The following SRRM4 variants were observed in gnomAD, a reference collection of about 807,000 sequenced individuals.
The protein encoded by SRRM4 is serine/arginine repetitive matrix 4, also known as serine/arginine repetitive matrix protein 4.
A neutral mutation model predicts 68.9 loss-of-function variants in SRRM4; 33 were observed. The ratio of observed to expected loss-of-function variants is 0.48; its 90% CI spans 0.36 to 0.64. SRRM4 has a LOEUF of 0.64. SRRM4 is among the 30% of genes least tolerant of loss of function. The pLI is 0.00. For missense variants in SRRM4, 817 were observed against 827.1 expected (o/e 0.99, Z 0.15); for synonymous variants, 318 against 318.8 (o/e 1.00, Z 0.03).
chr12:119,011,413 C>T (rs1262449088), intron 1 of SRRM4, among the ~76,000 whole-genome samples: 1 of 152,132 alleles, frequency 6.6e-6, no homozygotes, highest in Non-Finnish European at 1.5e-5. Context: ...GTCATTAGCA[C>T]CACCCTCCCT....
chr12:119,052,077 G>A (rs756568693), intron 1 of SRRM4, among the ~76,000 whole-genome samples: 3 of 152,164 alleles, frequency 2.0e-5, no homozygotes, highest in Admixed American at 6.5e-5. Flanking sequence ...TCTGCCTCTC[G>A]GGAGTCTATT....
chr12:119,082,313 C>G (rs1565904401), intron 1 of SRRM4, among the ~76,000 whole-genome samples: 2 of 152,152 alleles, frequency 1.3e-5, no homozygotes, highest in Non-Finnish European at 2.9e-5. Context: ...ATCCCCGCCT[C>G]CACCACGCTG....
chr12:119,049,804 G>C (rs1198061358), intron 1 of SRRM4, among the ~76,000 whole-genome samples: 1 of 152,092 alleles, frequency 6.6e-6, no homozygotes, highest in Admixed American at 6.5e-5. Context: ...CCTCACTCTA[G>C]GTCTTTACAT....
At chr12:119,064,598 C>T (rs1175447900) in intron 1 of SRRM4, among the ~76,000 whole-genome samples, 2 of 152,132 alleles carry the variant, frequency 1.3e-5, no homozygotes, top group East Asian at 3.9e-4. Context: ...TGCTGTGTGA[C>T]CTTAGGCAAG....
Position 119,122,701 on chromosome 12 carries a change from T to C in SRRM4, c.515+581T>C, listed in dbSNP as rs772962633. Among the ~76,000 whole-genome samples the C allele has an allele frequency of 7.7e-4, 117 of 152,278 alleles. 2 individuals are homozygous for C. Among genetic ancestry groups the C allele is most frequent in the Non-Finnish European group, 2.2e-4 (15 of 68,008 alleles). On this transcript the variant is annotated intron_variant, in intron 6 of 12. Coordinates refer to ENST00000267260, the MANE Select transcript of SRRM4 (RefSeq NM_194286.4). ...TGTGAATGGTATACATAGGACACAC[T>C]AAATTCTATGCACTGTGTGTGTGCG...
At chr12:119,075,595 G>A (rs1953905447) in intron 1 of SRRM4, among the ~76,000 whole-genome samples, 2 of 148,054 alleles carry the variant, frequency 1.4e-5, no homozygotes, top group South Asian at 4.4e-4. Context: ...TGATGATGAT[G>A]ATGATGTTGA....
intron 1 of SRRM4, among the ~76,000 whole-genome samples, chr12:118,991,361 G>A (rs924306662): frequency 2.6e-5 from 4 of 152,230 alleles, no homozygotes; most frequent in Non-Finnish European, 5.9e-5. Flanking sequence ...CCAGAGCTCA[G>A]AGGAAATGCT....
At chr12:119,033,423 A>G (rs1953604977) in intron 1 of SRRM4, among the ~76,000 whole-genome samples, 1 of 152,116 alleles carries the variant, frequency 6.6e-6, no homozygotes, top group Non-Finnish European at 1.5e-5. Flanking sequence ...CCCAGCACTT[A>G]GGGAGACGGA....
At chr12:119,024,970 G>C (rs1354219460) in intron 1 of SRRM4, among the ~76,000 whole-genome samples, 1 of 152,102 alleles carries the variant, frequency 6.6e-6, no homozygotes, top group African/African-American at 2.4e-5. Flanking sequence ...GAGAGGATAC[G>C]GTGCTGCCCT....
At chr12:119,029,925 G>A (rs1157492971) in intron 1 of SRRM4, among the ~76,000 whole-genome samples, 1 of 152,136 alleles carries the variant, frequency 6.6e-6, no homozygotes, top group Admixed American at 6.5e-5. Flanking sequence ...CAGTGAGGAT[G>A]ACCTTCCAGC....
intron 2 of SRRM4, 46 bp from the exon 3 acceptor site, chr12:119,114,232 T>A: frequency 6.4e-7 from 1 of 1,552,760 alleles, no homozygotes; most frequent in East Asian, 2.3e-5. Flanking sequence ...GTTGGGGAGT[T>A]GGGGAACCAT....
At chr12:119,095,624 T>G (rs909783701) in intron 1 of SRRM4, among the ~76,000 whole-genome samples, 1 of 152,004 alleles carries the variant, frequency 6.6e-6, no homozygotes, top group Admixed American at 6.6e-5. Flanking sequence ...CAGCGATGTC[T>G]CCAATCTCCT....
At chr12:119,062,034 A>G (rs1953815371) in intron 1 of SRRM4, among the ~76,000 whole-genome samples, 1 of 152,342 alleles carries the variant, frequency 6.6e-6, no homozygotes, top group Admixed American at 6.5e-5. Context: ...ACCAATCTAG[A>G]TGGGATAGCC....
chr12:119,072,927 C>G (rs1420831913), intron 1 of SRRM4, among the ~76,000 whole-genome samples: 1 of 152,146 alleles, frequency 6.6e-6, no homozygotes, highest in African/African-American at 2.4e-5. Context: ...TGTCAAAGCT[C>G]AGATCTGAAT....
At chr12:119,152,396 G>A (rs528513378) in intron 10 of SRRM4, among the ~76,000 whole-genome samples, 111 of 152,272 alleles carry the variant, frequency 7.3e-4, no homozygotes, top group South Asian at 2.7e-3. Flanking sequence ...CCAAAAGTAC[G>A]TCCTACCATT....
At chr12:119,089,134 T>G (rs900793925) in intron 1 of SRRM4, among the ~76,000 whole-genome samples, 1 of 152,036 alleles carries the variant, frequency 6.6e-6, no homozygotes, top group Non-Finnish European at 1.5e-5. Flanking sequence ...AGAGAGCCCA[T>G]ATGAGAGCCC....
At chr12:119,143,217 C>T (rs1335586171) in intron 8 of SRRM4, among the ~76,000 whole-genome samples, 1 of 152,226 alleles carries the variant, frequency 6.6e-6, no homozygotes, top group African/African-American at 2.4e-5. Flanking sequence ...TCCAATGTGT[C>T]TGTGTTTCAC....
chr12:119,108,558 A>G (rs1176876758), intron 2 of SRRM4, among the ~76,000 whole-genome samples: 2 of 151,792 alleles, frequency 1.3e-5, no homozygotes, highest in African/African-American at 2.4e-5. Flanking sequence ...TGATCCCTTT[A>G]CCATAATGTA....
chr12:118,982,669 GT>G (rs10533651), intron 1 of SRRM4, among the ~76,000 whole-genome samples: 1 of 115,716 alleles, frequency 8.6e-6, no homozygotes, highest in African/African-American at 3.3e-5. Flanking sequence ...GTTTTATTTT[GT>G]TTTTTTTTGT....
Sources: gnomAD v4.1 joint callset for allele counts (sites outside exome capture counted in the v4.1 genomes callset) on GRCh38, gnomAD v4.1.1 for gene constraint, MANE v1.5 for transcripts, NCBI Gene and HGNC (gene_info 2026-07-23, HGNC 2026-07-21) for gene names.